The following PTPN3 variants were observed in gnomAD, a reference collection of about 807,000 sequenced individuals.
PTPN3 encodes the protein tyrosine-protein phosphatase non-receptor type 3.
In PTPN3, 96 loss-of-function variants were observed where a neutral mutation model predicts 132.7. The ratio of observed to expected loss-of-function variants is 0.72; its 90% CI spans 0.61 to 0.86. The LOEUF (loss-of-function observed/expected upper bound fraction) is 0.86. Among genes scored for constraint, PTPN3 ranks in the 40% least tolerant of loss-of-function variants. The pLI, the probability that PTPN3 is intolerant of heterozygous loss-of-function variation, is 0.00. For synonymous variants in PTPN3, 398 were observed against 429.0 expected (o/e 0.93, Z 0.89); for missense variants, 1,125 against 1,159.6 (o/e 0.97, Z 0.43).
At chr9:109,436,012 G>A (rs1268719964) in intron 9 of PTPN3, among the ~76,000 whole-genome samples, 2 of 152,070 alleles carry the variant, frequency 1.3e-5, no homozygotes, top group African/African-American at 4.8e-5. Flanking sequence ...TATGAGCCTC[G>A]GTTTTCTCAT....
chr9:109,528,516 AC>A, the PTPN3 span, among the ~76,000 whole-genome samples: 4 of 152,238 alleles, frequency 2.6e-5, no homozygotes, highest in African/African-American at 9.6e-5. Context: ...AGGTTCAAAA[AC>A]AGGCAAAACA....
chr9:109,393,189 T>C (rs1327066188), intron 19 of PTPN3, among the ~76,000 whole-genome samples: 4 of 152,164 alleles, frequency 2.6e-5, no homozygotes, highest in African/African-American at 9.6e-5. Flanking sequence ...TCCTACTTAT[T>C]ATATAGTATC....
At chr9:109,509,177 T>A in the PTPN3 span, among the ~76,000 whole-genome samples, 3 of 152,210 alleles carry the variant, frequency 2.0e-5, no homozygotes, top group Non-Finnish European at 2.9e-5. Context: ...AATCCCTCAT[T>A]GAAATTATCA....
Position 109,410,348 on chromosome 9 carries a change from A to G in PTPN3, c.1381T>C (p.Ser461Pro), listed in dbSNP as rs1841984633. 1 of 1,614,070 alleles carries G rather than the reference A, an allele frequency of 6.2e-7. No individual in the cohort carries two copies. Among genetic ancestry groups the G allele is most frequent in the African/African-American group, 1.3e-5 (1 of 74,932 alleles). ...GAGCAGGAGCCTGGAGCATTTGAAG[A>G]TGGAGACACAGAACTGGATGACTTC... ...TQKSSSSVSP[S>P]SNAPGSCSPD... is the part of the protein sequence containing the mutation. Residue 461 changes from serine to proline, a missense_variant, in exon 15 of 26, where the codon TCT becomes CCT. Physicochemically the swap from Ser to Pro is moderately conservative, Grantham distance 74 (BLOSUM62 -1). Coordinates refer to ENST00000374541, the MANE Select transcript of PTPN3 (RefSeq NM_002829.4).
chr9:109,475,155 G>A (rs958893033), intron 1 of PTPN3, among the ~76,000 whole-genome samples: 9 of 152,154 alleles, frequency 5.9e-5, no homozygotes, highest in African/African-American at 2.2e-4. Context: ...TAATCAAGCA[G>A]AGAAGCTGGA....
chr9:109,386,447 G>A lies in PTPN3; in HGVS notation c.2253+2786C>T, dbSNP rs149790496. ...GCAGAGATGAATGAGACACGATGTG[G>A]CACTGTCCTCAAGGTGCTCTCGAAT... On this transcript the variant is annotated intron_variant, in intron 22 of 25. Transcript: ENST00000374541. 1.5e-3 allele frequency among the ~76,000 whole-genome samples: 229 copies of A among 152,314 alleles called. 2 individuals carry two copies. Among genetic ancestry groups the A allele is most frequent in the African/African-American group, 5.2e-3 (216 of 41,568 alleles).
chr9:109,510,221 T>C, the PTPN3 span, among the ~76,000 whole-genome samples: 2 of 152,076 alleles, frequency 1.3e-5, no homozygotes, highest in African/African-American at 4.8e-5. Flanking sequence ...GATAAAGGCT[T>C]ATGAACAGAA....
In PTPN3 at chr9:109,379,617, A is replaced by G. The variant is rs149479153; in HGVS notation, c.2681T>C (p.Val894Ala). Residue 894 changes from valine to alanine, a missense_variant, in exon 26 of 26, where the codon GTG becomes GCG. Coordinates refer to ENST00000374541, the MANE Select transcript of PTPN3 (RefSeq NM_002829.4). ...ATACACACGAAGAATCGCTTCACAC[A>G]CAAACTTGTACTGGCTCTGGAAAAG... ...MVQTSSQYKF[V>A]CEAILRVYEE... is the part of the protein sequence containing the mutation. The G allele has an allele frequency of 5.2e-4, 845 of 1,613,980 alleles. 3 individuals carry two copies. The highest frequency in any genetic ancestry group is 7.0e-4 in the Non-Finnish European group (828 of 1,179,952).
chr9:109,532,715 G>A, the PTPN3 span: 9 of 267,654 alleles, frequency 3.4e-5, no homozygotes, highest in Non-Finnish European at 5.7e-5. Context: ...TGGGCAAAAA[G>A]CAAGCACTTA....
chr9:109,511,752 T>A, the PTPN3 span, among the ~76,000 whole-genome samples: 1 of 152,176 alleles, frequency 6.6e-6, no homozygotes, highest in Non-Finnish European at 1.5e-5. Flanking sequence ...TTAGCAGTGT[T>A]TTGTTACCAG....
chr9:109,412,251 C>T (rs1842132535), intron 14 of PTPN3, among the ~76,000 whole-genome samples: 1 of 152,108 alleles, frequency 6.6e-6, no homozygotes, highest in Non-Finnish European at 1.5e-5. Flanking sequence ...CTCTGTTGCC[C>T]AGGCTGGAGT....
At chr9:109,454,258 G>C (rs1400031566) in intron 5 of PTPN3, among the ~76,000 whole-genome samples, 1 of 152,140 alleles carries the variant, frequency 6.6e-6, no homozygotes, top group Non-Finnish European at 1.5e-5. Flanking sequence ...GGTGGCAGAT[G>C]GGAGTATGCT....
rs745395808 is a variant in PTPN3, at chr9:109,391,560, T to C, written c.1955A>G (p.Gln652Arg). ...CAAACCTGGCTTTTTTCTGTAGAGT[T>C]GCTATGTGAGAAATAGAGAAAAAAG... ...ESGTVLIQFE[Q>R]LYRKKPGLAI... Residue 652 changes from glutamine (Q) to arginine (R), a missense_variant and splice_region_variant, in exon 20 of 26, where the codon CAA (glutamine) becomes CGA (arginine). Gln to Arg is a conservative substitution (Grantham distance 43, BLOSUM62 1). Coordinates refer to ENST00000374541, the MANE Select transcript of PTPN3 (RefSeq NM_002829.4). 4 of 1,610,212 alleles carry C rather than the reference T, an allele frequency of 2.5e-6. No homozygotes were observed. The Admixed American group carries it at 6.7e-5, about 27-fold the overall frequency.
the PTPN3 span, among the ~76,000 whole-genome samples, chr9:109,525,494 C>A: frequency 1.3e-5 from 2 of 152,222 alleles, no homozygotes; most frequent in Non-Finnish European, 2.9e-5. Context: ...AATGCCAGGG[C>A]TCCATCACAG....
At chr9:109,513,985 A>G in the PTPN3 span, among the ~76,000 whole-genome samples, 1 of 152,154 alleles carries the variant, frequency 6.6e-6, no homozygotes, top group Admixed American at 6.5e-5. Context: ...GCCCCAAGCT[A>G]ACAGATCAAC....
chr9:109,532,385 A>G, the PTPN3 span, among the ~76,000 whole-genome samples: 1 of 152,206 alleles, frequency 6.6e-6, no homozygotes, highest in Non-Finnish European at 1.5e-5. Context: ...CTCTGTACAA[A>G]GTAATCCCAT....
intron 1 of PTPN3, among the ~76,000 whole-genome samples, chr9:109,480,975 C>T (rs1564480150): frequency 6.6e-6 from 1 of 152,164 alleles, no homozygotes. Flanking sequence ...AGGTTTATCC[C>T]TCCACTCACT....
At chr9:109,411,602 G>C (rs1262055363) in intron 14 of PTPN3, among the ~76,000 whole-genome samples, 1 of 152,204 alleles carries the variant, frequency 6.6e-6, no homozygotes, top group African/African-American at 2.4e-5. Flanking sequence ...AGTGAAGTGA[G>C]GGGAGAAGCG....
chr9:109,493,605 C>T (rs1847553170), intron 1 of PTPN3, among the ~76,000 whole-genome samples: 1 of 152,188 alleles, frequency 6.6e-6, no homozygotes, highest in African/African-American at 2.4e-5. Flanking sequence ...TCTCAGTATC[C>T]AAACACTTCT....
Sources: allele counts gnomAD v4.1 joint callset (sites outside exome capture counted in the v4.1 genomes callset), GRCh38; gene constraint gnomAD v4.1.1; transcripts MANE v1.5; gene names NCBI Gene and HGNC (gene_info 2026-07-23, HGNC 2026-07-21).